The following COL2A1 variants were observed in gnomAD, a reference collection of about 807,000 sequenced individuals.
COL2A1 encodes collagen type II alpha 1 chain.
Under a neutral mutation model 204.5 loss-of-function variants are expected in COL2A1, and 28 were observed. That is an observed-to-expected ratio of 0.14 (90% CI 0.10 to 0.19). The LOEUF is 0.19. Ranked by LOEUF, COL2A1 falls within the 10% of genes least tolerant of loss-of-function variation. COL2A1 has a pLI of 1.00. For synonymous variants in COL2A1, 708 were observed against 718.7 expected, an observed-to-expected ratio of 0.99 and a Z score of 0.24; for missense variants, 1,388 against 2,027.5, an observed-to-expected ratio of 0.68 and a Z score of 6.06.
intron 18 of COL2A1, 80 bp downstream of exon 18, chr12:47,989,145 TGAG>T: frequency 8.5e-7 from 1 of 1,179,080 alleles, no homozygotes; most frequent in South Asian, 1.3e-5. Flanking sequence ...AGGTGGTTGT[TGAG>T]GGAGCAATGA....
rs754979576 is a variant in COL2A1, at chr12:47,975,459, C to T, written c.3744G>A (p.Leu1248=). 13 of 1,614,088 alleles carry T rather than the reference C, an allele frequency of 8.1e-6. No homozygotes were observed. Among genetic ancestry groups the T allele is most frequent in the African/African-American group, 1.3e-5 (1 of 75,052 alleles). The part of the protein sequence containing the change: ...YMRADQAAGG[L]RQHDAEVDAT... ...CATCCACCTCGGCGTCATGCTGTCT[C>T]AGGCCACCGGCTGCCTGGTCGGCCC... The change falls in exon 51 of 54, where the codon CTG becomes CTA. Residue 1248 remains leucine (L), a synonymous_variant. Transcript: ENST00000380518.
intron 51 of COL2A1, among the ~76,000 whole-genome samples, chr12:47,975,116 G>T (rs2136509952): frequency 6.6e-6 from 1 of 152,326 alleles, no homozygotes; most frequent in South Asian, 2.1e-4. Context: ...AGTCCACCCT[G>T]AGGTCACCTC....
intron 16 of COL2A1, among the ~76,000 whole-genome samples, chr12:47,991,463 C>A (rs1459746507): frequency 6.6e-6 from 1 of 152,166 alleles, no homozygotes; most frequent in African/African-American, 2.4e-5. Context: ...CACTGCACAG[C>A]CCCCTTCTGG....
chr12:47,974,564 C>G, intron 52 of COL2A1, 111 bp downstream of exon 52: 1 of 1,375,964 alleles, frequency 7.3e-7, no homozygotes, highest in Non-Finnish European at 1.0e-6. Flanking sequence ...TCAAGCCCAA[C>G]AGAAAACTGG....
rs777567065 is a variant in COL2A1, at chr12:47,976,129, G to A, written c.3490-59C>T. On this transcript the variant is annotated intron_variant, in intron 49 of 53. Coordinates refer to ENST00000380518, the MANE Select transcript of COL2A1 (RefSeq NM_001844.5). The surrounding 1 kb of genome is among the most constrained non-coding windows in gnomAD (Gnocchi z 4.3). Reference sequence around the variant, plus strand: ...TCACCACAGGGAAGGCTGGGGAGTCGCTGGGGCTGGGTAGGTGGCTGTCCT... The same window carrying A: ...TCACCACAGGGAAGGCTGGGGAGTCACTGGGGCTGGGTAGGTGGCTGTCCT... 141 of 1,241,946 alleles carry A rather than the reference G, an allele frequency of 1.1e-4. No individual in the cohort carries two copies. The highest frequency in any genetic ancestry group is 1.9e-4 in the African/African-American group (13 of 67,790). The allele number at this position is 1,241,946 out of a possible 1,614,324, so 76.9% of individuals were successfully genotyped here.
chr12:47,979,923 G>C, intron 40 of COL2A1, 86 bp downstream of exon 40: 1 of 1,129,692 alleles, frequency 8.9e-7, no homozygotes, highest in South Asian at 1.4e-5. Flanking sequence ...ACAGTCGGGG[G>C]CATCCCAGAA....
intron 25 of COL2A1, 45 bp downstream of exon 25, chr12:47,985,683 G>T: frequency 6.2e-7 from 1 of 1,610,456 alleles, no homozygotes; most frequent in Non-Finnish European, 8.5e-7. Flanking sequence ...GCCAGGAAGG[G>T]CCTGAGGGTC....
rs777354671 is a variant in COL2A1, at chr12:47,982,091, G to A, written c.2355+16C>T. ...GATCCTAATGCCCAGCAGTCCAGCA[G>A]CCCGCATTCACTTACTCGTCCACCA... On this transcript the variant is annotated intron_variant, in intron 35 of 53. Coordinates refer to ENST00000380518, the MANE Select transcript of COL2A1 (RefSeq NM_001844.5). The A allele has an allele frequency of 3.7e-6, 6 of 1,612,698 alleles. No homozygotes were observed. The highest frequency in any genetic ancestry group is 5.1e-6 in the Non-Finnish European group (6 of 1,178,804).
rs1169850038 is a variant in COL2A1, at chr12:47,984,122, C to T, written c.1906G>A (p.Gly636Ser). The T allele has an allele frequency of 6.2e-7, 1 of 1,613,694 alleles. No homozygotes were observed. Among genetic ancestry groups the T allele is most frequent in the Admixed American group, 1.7e-5 (1 of 59,970 alleles). Residue 636 changes from glycine to serine, a missense_variant, in exon 29 of 54, where the codon GGT becomes AGT. Physicochemically the swap from Gly to Ser is moderately conservative, Grantham distance 56 (BLOSUM62 0). Around this residue, in one of 3 missense-constraint regions of COL2A1, gnomAD observed 884 missense variants for 1,415.8 expected, o/e 0.62. Transcript: ENST00000380518. The stretch of plus-strand genomic sequence containing the variant: ...GGGGGTCCTGCAGCACCTGTCTCAC[C>T]ATCTTTGCCAGGAAGACCCTAGACA... ...PGLRGLPGKD[G>S]ETGAAGPPGP...
chr12:47,974,131 G>A lies in COL2A1; in HGVS notation c.4275C>T (p.Gly1425=), dbSNP rs41272767. 1.9e-5 allele frequency: 30 copies of A among 1,614,068 alleles called. No individual in the cohort carries two copies. In the African/African-American group the frequency reaches 3.9e-4, roughly 21 times the overall value. ...GGGCAGTGTACGTGAACCTGCTATT[G>A]CCCTCTGCCCGGATCTCCACGTCAT... is the stretch of plus-strand genomic sequence containing the variant. ...GSNDVEIRAE[G]NSRFTYTALK... Residue 1425 remains glycine (G), a synonymous_variant, in exon 53 of 54, where the codon GGC becomes GGT. Transcript: ENST00000380518.
At position 47,978,284 on chromosome 12, in the gene COL2A1, C is replaced by A. The variant is rs759071286; in HGVS notation, c.3003+7G>T. On this transcript the variant is annotated splice_region_variant and intron_variant, in intron 43 of 53. Transcript: ENST00000380518. This position sits in a 1 kb window ranked among gnomAD's most constrained non-coding sequence, Gnocchi z 5.5. ...CTTGGATGGAGGGAGGGATACCCCACACTCACCGACGGGCCAGGCAAGCCA... is the reference window on the plus strand; with the variant it reads ...CTTGGATGGAGGGAGGGATACCCCAAACTCACCGACGGGCCAGGCAAGCCA... 1 of 1,613,732 alleles carries A rather than the reference C, an allele frequency of 6.2e-7. No homozygotes were observed. Among genetic ancestry groups the A allele is most frequent in the East Asian group, 2.2e-5 (1 of 44,870 alleles).
chr12:47,979,237 C>T (rs1408017353), intron 41 of COL2A1, among the ~76,000 whole-genome samples: 4 of 152,186 alleles, frequency 2.6e-5, no homozygotes, highest in African/African-American at 9.7e-5. Flanking sequence ...AGAACATGCT[C>T]AAGAAACATC....
In COL2A1 at chr12:47,978,113, T is replaced by C. The variant is rs765802815; in HGVS notation, c.3008A>G (p.Glu1003Gly). The C allele has an allele frequency of 6.2e-7, 1 of 1,612,776 alleles. No homozygotes were observed. Among genetic ancestry groups the C allele is most frequent in the African/African-American group, 1.3e-5 (1 of 75,040 alleles). ...GFPGLPGPSG[E>G]PGKQGAPGAS... ...TCCAGGAGCACCCTGCTTGCCGGGC[T>C]CACCCTGGAGGGACAGAGACAAGGA... The change falls in exon 44 of 54, where the codon GAG becomes GGG. Residue 1003 changes from glutamate (E) to glycine (G), a missense_variant. Physicochemically the swap from Glu to Gly is moderately conservative, Grantham distance 98 (BLOSUM62 -2). Transcript: ENST00000380518. The surrounding 1 kb of genome is among the most constrained non-coding windows in gnomAD (Gnocchi z 5.5).
chr12:47,973,662 G>C, intron 53 of COL2A1, 109 bp from the exon 54 acceptor site: 2 of 1,328,768 alleles, frequency 1.5e-6, no homozygotes, highest in Non-Finnish European at 2.1e-6. Flanking sequence ...GAGCCCACAA[G>C]GTTGAACCAC....
At position 47,999,969 on chromosome 12, in the gene COL2A1, G is replaced by C. The variant is rs1940153785; in HGVS notation, c.242C>G (p.Pro81Arg). The change falls in exon 2 of 54, where the codon CCC becomes CGC. Residue 81 changes from proline to arginine, a missense_variant. Coordinates refer to ENST00000380518, the MANE Select transcript of COL2A1 (RefSeq NM_001844.5). ...GCAGATGGGGCAGCACTCTCCGAAG[G>C]GGATCTCAGGGCTGAGGCAGTCTTT... ...DVKDCLSPEI[P>R]FGECCPICPT... is the part of the protein sequence containing the mutation. The C allele has an allele frequency of 1.2e-6, 2 of 1,614,108 alleles. No individual in the cohort carries two copies. Among genetic ancestry groups the C allele is most frequent in the Non-Finnish European group, 1.7e-6 (2 of 1,180,056 alleles).
chr12:47,988,951 T>C (rs1046573621), intron 18 of COL2A1, among the ~76,000 whole-genome samples: 6 of 152,224 alleles, frequency 3.9e-5, no homozygotes, highest in African/African-American at 1.4e-4. Flanking sequence ...GCCAGGCCTA[T>C]GGTGTATCCC....
At position 47,979,291 on chromosome 12, in the gene COL2A1, A is replaced by G. The variant is rs113267873; in HGVS notation, c.2733+220T>C. ...TCATGGCAGCCCTGTCCTGCCCACCAAGCCAGCAGGGCAGCCACCCATTGC... is the reference window on the plus strand; with the variant it reads ...TCATGGCAGCCCTGTCCTGCCCACCGAGCCAGCAGGGCAGCCACCCATTGC... On this transcript the variant is annotated intron_variant, in intron 41 of 53. Coordinates refer to ENST00000380518, the MANE Select transcript of COL2A1 (RefSeq NM_001844.5). Among the ~76,000 whole-genome samples, 3,718 of 152,180 alleles carry G rather than the reference A, an allele frequency of 0.024. 192 individuals are homozygous for G. The highest frequency in any genetic ancestry group is 0.084 in the African/African-American group (3,487 of 41,506).
rs1488101815 is a variant in COL2A1 at position 47,987,648 on chromosome 12, G to A, written c.1184C>T (p.Pro395Leu). The A allele has an allele frequency of 6.2e-7, 1 of 1,613,342 alleles. No homozygotes were observed. The highest frequency in any genetic ancestry group is 8.5e-7 in the Non-Finnish European group (1 of 1,179,738). ...AGGCCCAGGGGACCCAGGAGTACCA[G>A]GTTCACCGCGAGGACCTTGAGCACC... is the stretch of plus-strand genomic sequence containing the variant. Reference protein sequence around the residue: ...PEGAQGPRGEPGTPGSPGPAG... With the variant: ...PEGAQGPRGELGTPGSPGPAG... Residue 395 changes from proline to leucine, a missense_variant, in exon 19 of 54, where the codon CCT becomes CTT. Pro to Leu is a moderately conservative substitution (Grantham distance 98). Around this residue, in one of 3 missense-constraint regions of COL2A1, gnomAD observed 884 missense variants for 1,415.8 expected, o/e 0.62. Transcript: ENST00000380518. This position sits in a 1 kb window ranked among gnomAD's most constrained non-coding sequence, Gnocchi z 4.1.
chr12:47,989,466 C>G (rs1939596785), intron 17 of COL2A1, among the ~76,000 whole-genome samples, 185 bp from the exon 18 acceptor site: 1 of 152,170 alleles, frequency 6.6e-6, no homozygotes, highest in Non-Finnish European at 1.5e-5. Context: ...TGCCTGGCTT[C>G]AGAAGGCAAA....
Sources: gnomAD v4.1 joint callset for allele counts (sites outside exome capture counted in the v4.1 genomes callset) on GRCh38, gnomAD v4.1.1 for gene constraint, gnomAD v4.1.1 regional missense constraint, Gnocchi (gnomAD v3.1) non-coding constraint, MANE v1.5 for transcripts, NCBI Gene and HGNC (gene_info 2026-07-23, HGNC 2026-07-21) for gene names.